Variants in ABCC4 observed in about 807,000 individuals in gnomAD.
ABCC4 encodes the protein ATP binding cassette subfamily C member 4 (PEL blood group).
In ABCC4, 102 loss-of-function variants were observed where a neutral mutation model predicts 168.5. The ratio of observed to expected loss-of-function variants is 0.61; its 90% CI spans 0.52 to 0.71. The LOEUF (loss-of-function observed/expected upper bound fraction) is 0.71. ABCC4 is among the 30% of genes least tolerant of loss of function. ABCC4 has a pLI of 0.00. For missense variants in ABCC4, 1,402 were observed against 1,605.8 expected (o/e 0.87, Z 2.17); for synonymous variants, 617 against 590.7 (o/e 1.04, Z -0.65).
At chr13:95,086,520 A>T (rs892616663) in intron 20 of ABCC4, among the ~76,000 whole-genome samples, 9 of 152,212 alleles carry the variant, frequency 5.9e-5, no homozygotes, top group African/African-American at 2.2e-4. Flanking sequence ...TTCTTTTAAC[A>T]AGCATAATTT....
rs1397003634 is a variant in ABCC4 at position 95,210,767 on chromosome 13, A to T, written c.546T>A (p.Ser182Arg). Reference protein sequence around the residue: ...HMIYRKALRLSNMAMGKTTTG... With the variant: ...HMIYRKALRLRNMAMGKTTTG... ...TGGTTGTCTTCCCCATGGCCATGTT[A>T]CTAAGACGAAGTGCCTGAAATAAAA... is the stretch of plus-strand genomic sequence containing the variant. The change falls in exon 5 of 31, where the codon AGT becomes AGA. Residue 182 changes from serine to arginine, a missense_variant. Coordinates refer to ENST00000645237, the MANE Select transcript of ABCC4 (RefSeq NM_005845.5). The T allele has an allele frequency of 1.7e-5, 28 of 1,613,696 alleles. No homozygotes were observed. The highest frequency in any genetic ancestry group is 2.3e-5 in the Non-Finnish European group (27 of 1,179,714).
At chr13:95,170,993 C>T (rs773704322) in intron 13 of ABCC4, among the ~76,000 whole-genome samples, 54 of 151,876 alleles carry the variant, frequency 3.6e-4, no homozygotes, top group Middle Eastern at 3.2e-3. Context: ...CACGTAACGA[C>T]GCGGCATTTT....
At chr13:95,070,326 T>C (rs777060218) in intron 25 of ABCC4, among the ~76,000 whole-genome samples, 6 of 152,114 alleles carry the variant, frequency 3.9e-5, no homozygotes, top group East Asian at 3.9e-4. Context: ...GGGTGCACAC[T>C]AAGAGCAAGG....
intron 11 of ABCC4, among the ~76,000 whole-genome samples, chr13:95,182,264 T>C (rs2037922500): frequency 6.6e-6 from 1 of 152,220 alleles, no homozygotes; most frequent in South Asian, 2.1e-4. Flanking sequence ...AATTATAAGA[T>C]AGTGGGTACA....
At chr13:95,091,163 C>G (rs2034421502) in intron 20 of ABCC4, among the ~76,000 whole-genome samples, 1 of 152,028 alleles carries the variant, frequency 6.6e-6, no homozygotes, top group Non-Finnish European at 1.5e-5. Flanking sequence ...AACGACCAAG[C>G]CTAAGAATAA....
At chr13:95,162,630 G>A (rs774735281) in intron 18 of ABCC4, among the ~76,000 whole-genome samples, 4 of 152,198 alleles carry the variant, frequency 2.6e-5, no homozygotes, top group African/African-American at 4.8e-5. Flanking sequence ...CCCAGGAGAT[G>A]AGCAGTGCTG....
chr13:95,209,736 G>T, intron 5 of ABCC4, 139 bp from the exon 6 acceptor site: 1 of 777,456 alleles, frequency 1.3e-6, no homozygotes, highest in Non-Finnish European at 1.9e-6. Flanking sequence ...ACCTGCTAAA[G>T]CAGAAAGCCA....
intron 30 of ABCC4, among the ~76,000 whole-genome samples, chr13:95,025,187 AC>A (rs2031353298): frequency 1.7e-5 from 2 of 117,386 alleles, no homozygotes; most frequent in South Asian, 2.9e-4. Flanking sequence ...ACCCACACAC[AC>A]CCACACCACA....
chr13:95,274,638 G>T (rs926692748), intron 1 of ABCC4, among the ~76,000 whole-genome samples: 4 of 152,136 alleles, frequency 2.6e-5, no homozygotes, highest in Admixed American at 2.0e-4. Context: ...CTACAGGGGG[G>T]ACCAAGACTG....
intron 1 of ABCC4, among the ~76,000 whole-genome samples, chr13:95,268,395 C>T (rs776399769): frequency 2.6e-5 from 4 of 152,086 alleles, no homozygotes; most frequent in Admixed American, 2.0e-4. Flanking sequence ...AATATGGCCT[C>T]GTGGGAAGGG....
At chr13:95,061,804 C>A (rs755089752) in intron 26 of ABCC4, among the ~76,000 whole-genome samples, 2 of 152,120 alleles carry the variant, frequency 1.3e-5, no homozygotes, top group Admixed American at 6.5e-5. Context: ...GGCCCCACAG[C>A]TGCAGACCCC....
intron 1 of ABCC4, among the ~76,000 whole-genome samples, chr13:95,292,416 C>T (rs562104850): frequency 4.6e-5 from 7 of 152,104 alleles, no homozygotes; most frequent in Admixed American, 2.6e-4. Flanking sequence ...TACTATGAGG[C>T]GAGCATATGA....
Position 95,253,152 on chromosome 13 carries a change from G to C in ABCC4, c.75-5399C>G, listed in dbSNP as rs532471469. 5.9e-5 allele frequency among the ~76,000 whole-genome samples: 9 copies of C among 152,172 alleles called. No homozygotes were observed. In the South Asian group the frequency reaches 1.9e-3, roughly 32 times the overall value. On this transcript the variant is annotated intron_variant, in intron 1 of 30. Transcript: ENST00000645237. ...CTCCACGATAGAAAGGTTAGTGCAC[G>C]GCCAACCATGACTGCCCCGGGCTTT... is the stretch of plus-strand genomic sequence containing the variant.
chr13:95,269,876 G>C (rs1314500375), intron 1 of ABCC4, among the ~76,000 whole-genome samples: 1 of 152,288 alleles, frequency 6.6e-6, no homozygotes, highest in African/African-American at 2.4e-5. Flanking sequence ...ACAGAGCAAT[G>C]AAATACCATT....
chr13:95,286,562 C>A (rs1228470456), intron 1 of ABCC4, among the ~76,000 whole-genome samples: 1 of 151,858 alleles, frequency 6.6e-6, no homozygotes, highest in Non-Finnish European at 1.5e-5. Flanking sequence ...TCTGGGGGGA[C>A]TTACAAACAG....
chr13:95,247,353 A>G (rs4148436), intron 2 of ABCC4, among the ~76,000 whole-genome samples: 57,105 of 152,008 alleles, frequency 0.38, 10,897 homozygotes, highest in African/African-American at 0.38. Context: ...TCAGTAGCAC[A>G]GATAAGCCAG....
At chr13:95,237,663 T>G (rs2039811294) in intron 3 of ABCC4, among the ~76,000 whole-genome samples, 1 of 152,034 alleles carries the variant, frequency 6.6e-6, no homozygotes, top group Non-Finnish European at 1.5e-5. Context: ...TCGAGCCCCA[T>G]CCCTTGCTTT....
chr13:95,150,026 G>T (rs1352215259), intron 19 of ABCC4, among the ~76,000 whole-genome samples: 1 of 152,098 alleles, frequency 6.6e-6, no homozygotes, highest in Non-Finnish European at 1.5e-5. Flanking sequence ...GGCTTGGGGG[G>T]GCAATACAGT....
intron 14 of ABCC4, among the ~76,000 whole-genome samples, chr13:95,169,926 G>A (rs1206263165): frequency 1.3e-5 from 2 of 152,202 alleles, no homozygotes; most frequent in African/African-American, 4.8e-5. Context: ...GCATGATCTC[G>A]GCTCACTACA....
Sources: allele counts gnomAD v4.1 joint callset (sites outside exome capture counted in the v4.1 genomes callset), GRCh38; gene constraint gnomAD v4.1.1; transcripts MANE v1.5; gene names NCBI Gene and HGNC (gene_info 2026-07-23, HGNC 2026-07-21).